Variants in NAALAD2 observed in about 807,000 individuals in gnomAD.
NAALAD2 encodes N-acetylated alpha-linked acidic dipeptidase 2.
Under a neutral mutation model 95.6 loss-of-function variants are expected in NAALAD2, and 89 were observed. That is an observed-to-expected ratio of 0.93 (90% CI 0.78 to 1.11). NAALAD2 has a LOEUF of 1.11. Among genes scored for constraint, NAALAD2 ranks in the 50% least tolerant of loss-of-function variants. The probability of loss-of-function intolerance (pLI) is 0.00; values close to 1 mark genes in which losing one functional copy is unlikely to be tolerated. For synonymous variants in NAALAD2, 264 were observed against 294.4 expected (o/e 0.90, Z 1.06); for missense variants, 894 against 872.4 (o/e 1.02, Z -0.31).
intron 8 of NAALAD2, 86 bp from the exon 9 acceptor site, chr11:90,162,863 C>A (rs546254767): frequency 4.0e-6 from 3 of 741,904 alleles, no homozygotes; most frequent in South Asian, 3.7e-5. Flanking sequence ...TAATAAAACA[C>A]TATTATGAAA....
At position 90,134,701 on chromosome 11, in the gene NAALAD2, C is replaced by T; in HGVS notation, c.-58C>T. 1 of 1,566,124 alleles carries T rather than the reference C, an allele frequency of 6.4e-7. No individual in the cohort carries two copies. The highest frequency in any genetic ancestry group is 8.8e-7 in the Non-Finnish European group (1 of 1,138,530). On this transcript the variant is annotated 5_prime_UTR_variant, in exon 1 of 19. Transcript: ENST00000534061. ...TCCTGCCAGCGCGCTCTCTGTTTCT[C>T]TGCAGCCCCGAAGCTCGCGAATGTA...
chr11:90,175,341 G>A (rs768245259), intron 14 of NAALAD2, among the ~76,000 whole-genome samples: 4 of 152,064 alleles, frequency 2.6e-5, no homozygotes, highest in Non-Finnish European at 5.9e-5. Flanking sequence ...GAAATAAACA[G>A]TTATGTTATT....
At chr11:90,159,560 A>G (rs1414374706) in intron 8 of NAALAD2, among the ~76,000 whole-genome samples, 2 of 152,206 alleles carry the variant, frequency 1.3e-5, no homozygotes, top group Non-Finnish European at 2.9e-5. Context: ...ATATTTGAAT[A>G]TAGGTTTAAC....
In NAALAD2 at chr11:90,155,808, AAT is replaced by A. The variant is rs909015259; in HGVS notation, c.797-2331_797-2330del. Among the ~76,000 whole-genome samples the A allele has an allele frequency of 2.9e-4, 37 of 128,930 alleles. 1 individual carries two copies. The highest frequency in any genetic ancestry group is 4.6e-4 in the South Asian group (2 of 4,326). The allele number at this position is 128,930 out of a possible 152,430, so 84.6% of individuals were successfully genotyped here. On this transcript the variant is annotated intron_variant, in intron 6 of 18. Coordinates refer to ENST00000534061, the MANE Select transcript of NAALAD2 (RefSeq NM_005467.4). Reference sequence around the variant, plus strand: ...TATTACATACATATTACACATATATAATATATAATATATATGTAATATATGTA... The same window carrying A: ...TATTACATACATATTACACATATATAATATAATATATATGTAATATATGTA...
intron 11 of NAALAD2, among the ~76,000 whole-genome samples, chr11:90,167,161 G>A (rs11018892): frequency 0.034 from 5,209 of 152,268 alleles, 117 homozygotes; most frequent in East Asian, 0.055. Flanking sequence ...GGCTGGAGCC[G>A]GCTCCCTCAG....
At chr11:90,163,207 A>G in intron 9 of NAALAD2, 103 bp from the exon 10 acceptor site, 4 of 1,339,524 alleles carry the variant, frequency 3.0e-6, no homozygotes, top group Non-Finnish European at 4.1e-6. Flanking sequence ...GTTGTCTTCT[A>G]TAGAGGAAAC....
chr11:90,142,573 A>G (rs1951646349), intron 2 of NAALAD2, among the ~76,000 whole-genome samples: 1 of 152,158 alleles, frequency 6.6e-6, no homozygotes, highest in Non-Finnish European at 1.5e-5. Flanking sequence ...GAGAGAACAC[A>G]GTTGTCATTT....
intron 8 of NAALAD2, among the ~76,000 whole-genome samples, chr11:90,161,516 C>CA (rs1287923978): frequency 6.6e-6 from 1 of 152,064 alleles, no homozygotes; most frequent in African/African-American, 2.4e-5. Context: ...ATAAAGTAGG[C>CA]AAAAATCTCC....
At chr11:90,140,346 C>G (rs1034563857) in intron 2 of NAALAD2, among the ~76,000 whole-genome samples, 21 of 151,972 alleles carry the variant, frequency 1.4e-4, no homozygotes, top group Admixed American at 1.2e-3. Context: ...TGTATGCCTA[C>G]GTTTTGATAC....
At position 90,181,672 on chromosome 11, in the gene NAALAD2, T is replaced by C; in HGVS notation, c.1911T>C (p.His637=). The change falls in exon 17 of 19, where the codon CAT becomes CAC. Residue 637 remains histidine (H), a synonymous_variant. Coordinates refer to ENST00000534061, the MANE Select transcript of NAALAD2 (RefSeq NM_005467.4). ...TCTCAGAGGCTGCTTCAGATTTTCA[T>C]AAACGACTTATACAAGTTGATCTTA... ...KNFSEAASDF[H]KRLIQVDLNN... 6.2e-7 allele frequency: 1 copy of C among 1,602,288 alleles called. No individual in the cohort carries two copies. The highest frequency in any genetic ancestry group is 8.5e-7 in the Non-Finnish European group (1 of 1,173,160).
chr11:90,155,610 CATATAAATTACATATATATTA>C (rs556410527), intron 6 of NAALAD2, among the ~76,000 whole-genome samples: 11,122 of 93,080 alleles, frequency 0.12, 917 homozygotes, highest in South Asian at 0.22. Flanking sequence ...ATATATATTA[CATATAAATTACATATATATTA>C]ATATATATAT....
intron 13 of NAALAD2, among the ~76,000 whole-genome samples, chr11:90,171,521 C>T (rs561517316): frequency 6.6e-6 from 1 of 152,140 alleles, no homozygotes; most frequent in South Asian, 2.1e-4. Flanking sequence ...TTTGTGCTGT[C>T]CTAGAGAGAT....
chr11:90,174,191 C>T (rs1952720953), intron 14 of NAALAD2, among the ~76,000 whole-genome samples: 2 of 152,010 alleles, frequency 1.3e-5, no homozygotes, highest in African/African-American at 4.8e-5. Context: ...ATTAGCCGGT[C>T]ATGGTAGCGG....
chr11:90,135,523 T>A, intron 1 of NAALAD2, 36 bp from the exon 2 acceptor site: 1 of 1,444,810 alleles, frequency 6.9e-7, no homozygotes, highest in South Asian at 1.2e-5. Flanking sequence ...TGATTTTGTG[T>A]GTATGTGTGC....
intron 15 of NAALAD2, among the ~76,000 whole-genome samples, chr11:90,177,586 GTTTTTTTTTTTTTTTTTTTTTTT>G (rs57694347): frequency 3.2e-4 from 9 of 28,456 alleles, no homozygotes; most frequent in South Asian, 2.1e-3. Context: ...TCTTTTTCTT[GTTTTTTTTTTTTTTTTTTTTTTT>G]TTTTTTTTTT....
chr11:90,134,837 G>A lies in NAALAD2; in HGVS notation c.79G>A (p.Val27Met), dbSNP rs1293006941. 1 of 1,614,140 alleles carries A rather than the reference G, an allele frequency of 6.2e-7. No homozygotes were observed. The highest frequency in any genetic ancestry group is 2.2e-5 in the East Asian group (1 of 44,864). ...GGCATCTTTCCTGATGGGATTTATG[G>A]TGGGTAAGTGAACAAAACACTCTAC... The part of the protein sequence containing the change: ...ALASFLMGFM[V>M]GWFIKPLKET... The change falls in exon 1 of 19, where the codon GTG becomes ATG. Residue 27 changes from valine (V) to methionine (M), a missense_variant. By Grantham distance (21) the Val-to-Met change is conservative. Transcript: ENST00000534061.
intron 18 of NAALAD2, among the ~76,000 whole-genome samples, chr11:90,188,585 A>AT (rs1271452135): frequency 6.6e-6 from 1 of 152,162 alleles, no homozygotes; most frequent in Non-Finnish European, 1.5e-5. Flanking sequence ...GAACAGATGG[A>AT]AGGGCTAGCT....
At chr11:90,182,531 A>C (rs752173185) in intron 17 of NAALAD2, among the ~76,000 whole-genome samples, 22 of 152,102 alleles carry the variant, frequency 1.4e-4, no homozygotes, top group Admixed American at 3.3e-4. Context: ...TTTGTTGTCC[A>C]GCCTGTTATC....
At chr11:90,139,618 A>T (rs1031112512) in intron 2 of NAALAD2, among the ~76,000 whole-genome samples, 1 of 152,110 alleles carries the variant, frequency 6.6e-6, no homozygotes, top group Admixed American at 6.6e-5. Flanking sequence ...GTATCAAACC[A>T]TCTTTTGCAG....
Sources: allele counts gnomAD v4.1 joint callset (sites outside exome capture counted in the v4.1 genomes callset), GRCh38; gene constraint gnomAD v4.1.1; transcripts MANE v1.5; gene names NCBI Gene and HGNC (gene_info 2026-07-23, HGNC 2026-07-21).